ZFHX4: variants seen among roughly 807,000 people sequenced by gnomAD.
ZFHX4 encodes zinc finger homeobox 4.
A neutral mutation model predicts 267.6 loss-of-function variants in ZFHX4; 56 were observed. That is an observed-to-expected ratio of 0.21 (90% CI 0.17 to 0.26). The LOEUF is 0.26. ZFHX4 is among the 10% of genes least tolerant of loss of function. ZFHX4 has a pLI of 1.00. For synonymous variants in ZFHX4, 1,778 were observed against 1,665.6 expected (o/e 1.07, Z -1.64); for missense variants, 4,332 against 4,420.0 (o/e 0.98, Z 0.56).
At chr8:76,788,090 G>A (rs1810740743) in intron 4 of ZFHX4, among the ~76,000 whole-genome samples, 1 of 152,100 alleles carries the variant, frequency 6.6e-6, no homozygotes, top group South Asian at 2.1e-4. Flanking sequence ...AACTGGCAGA[G>A]GTCAGGAAGG....
chr8:76,852,154 G>T lies in ZFHX4; in HGVS notation c.5233G>T (p.Gly1745Trp). The change falls in exon 10 of 11, where the codon GGG becomes TGG. Residue 1745 changes from glycine to tryptophan, a missense_variant. Gly to Trp is a radical substitution (Grantham distance 184). This residue lies in a region of ZFHX4 where 1,371 missense variants were observed against 1,423.1 expected (regional missense o/e 0.96). Coordinates refer to ENST00000651372, the MANE Select transcript of ZFHX4 (RefSeq NM_024721.5). The part of the protein sequence containing the change: ...PQFLFPFYIP[G>W]TEFSLGPDLG... ...GTTTCTCTTTCCATTTTATATACCTGGGACGGAGTTCAGCTTGGGGCCAGA... is the reference window on the plus strand; with the variant it reads ...GTTTCTCTTTCCATTTTATATACCTTGGACGGAGTTCAGCTTGGGGCCAGA... 1 of 1,613,890 alleles carries T rather than the reference G, an allele frequency of 6.2e-7. No individual in the cohort carries two copies. The highest frequency in any genetic ancestry group is 8.5e-7 in the Non-Finnish European group (1 of 1,179,858).
At chr8:76,737,095 G>A (rs1388263052) in intron 3 of ZFHX4, among the ~76,000 whole-genome samples, 2 of 152,028 alleles carry the variant, frequency 1.3e-5, no homozygotes, top group Non-Finnish European at 2.9e-5. Flanking sequence ...CCTAAAAATG[G>A]ATTTACTGGT....
intron 6 of ZFHX4, among the ~76,000 whole-genome samples, chr8:76,845,646 T>C (rs986250059): frequency 6.6e-6 from 1 of 152,042 alleles, no homozygotes; most frequent in African/African-American, 2.4e-5. Flanking sequence ...AGATTTGCTT[T>C]GAGTACATGT....
chr8:76,745,412 G>A (rs191866499), intron 3 of ZFHX4, among the ~76,000 whole-genome samples: 241 of 152,230 alleles, frequency 1.6e-3, no homozygotes, highest in African/African-American at 5.5e-3. Context: ...TTGGAGGATT[G>A]ATTTAAAAAG....
intron 3 of ZFHX4, among the ~76,000 whole-genome samples, chr8:76,722,029 A>G (rs1190461912): frequency 6.6e-6 from 1 of 151,886 alleles, no homozygotes; most frequent in African/African-American, 2.4e-5. Flanking sequence ...AAGTCTTACT[A>G]TTTTATCTAT....
chr8:76,793,248 T>C (rs1810886575), intron 4 of ZFHX4, among the ~76,000 whole-genome samples: 1 of 152,054 alleles, frequency 6.6e-6, no homozygotes, highest in Non-Finnish European at 1.5e-5. Flanking sequence ...GTTGTGATTG[T>C]CTTTAAGGAA....
Position 76,852,414 on chromosome 8 carries a change from C to T in ZFHX4, c.5493C>T (p.Ser1831=), listed in dbSNP as rs912267135. The change falls in exon 10 of 11, where the codon AGC becomes AGT. Residue 1831 remains serine (S), a synonymous_variant. Coordinates refer to ENST00000651372, the MANE Select transcript of ZFHX4 (RefSeq NM_024721.5). ...AGCAGCAGCAGCAACAGCAGGCAAG[C>T]AAATTATTGAAACAAGAGCAAAGTA... The part of the protein sequence containing the change: ...PPQQQQQQQA[S]KLLKQEQSNI... 6.4e-6 allele frequency: 10 copies of T among 1,556,408 alleles called. No individual in the cohort carries two copies. The highest frequency in any genetic ancestry group is 1.4e-5 in the African/African-American group (1 of 73,190).
chr8:76,776,923 G>A (rs1429098554), intron 3 of ZFHX4, among the ~76,000 whole-genome samples: 1 of 152,136 alleles, frequency 6.6e-6, no homozygotes, highest in Admixed American at 6.6e-5. Context: ...CTAAAAGCCA[G>A]GGAGGTGGGG....
At chr8:76,822,247 C>A (rs932165345) in intron 4 of ZFHX4, among the ~76,000 whole-genome samples, 2 of 152,004 alleles carry the variant, frequency 1.3e-5, no homozygotes, top group South Asian at 4.2e-4. Context: ...CTCATTAGAC[C>A]CATTGGCAAG....
chr8:76,810,872 A>G (rs1183964487), intron 4 of ZFHX4, among the ~76,000 whole-genome samples: 1 of 152,178 alleles, frequency 6.6e-6, no homozygotes, highest in Non-Finnish European at 1.5e-5. Context: ...GAAATTTAAT[A>G]TAGGTCTCTA....
chr8:76,856,954 C>A (rs1337265127), intron 10 of ZFHX4, among the ~76,000 whole-genome samples: 2 of 152,180 alleles, frequency 1.3e-5, no homozygotes, highest in African/African-American at 4.8e-5. Flanking sequence ...TAAATAAATT[C>A]AGCAACCTTA....
intron 4 of ZFHX4, among the ~76,000 whole-genome samples, chr8:76,781,282 T>C (rs1054655796): frequency 6.6e-6 from 1 of 152,146 alleles, no homozygotes; most frequent in African/African-American, 2.4e-5. Flanking sequence ...ATTTGCACAT[T>C]ATTAATTATT....
rs61729526 is a variant in ZFHX4 at position 76,849,604 on chromosome 8, C to T, written c.3738C>T (p.Ile1246=). The change falls in exon 8 of 11, where the codon ATC becomes ATT. Residue 1246 remains isoleucine (I), a synonymous_variant. Coordinates refer to ENST00000651372, the MANE Select transcript of ZFHX4 (RefSeq NM_024721.5). ...CACAGCACTCGGTGCAGCCGGTCAT[C>T]TGCTGTCCTCTCTGTCAGGACGTCC... The part of the protein sequence containing the change: ...VLSQHSVQPV[I]CCPLCQDVLS... 8.1e-3 allele frequency: 13,124 copies of T among 1,613,988 alleles called. 78 individuals are homozygous for T. The highest frequency in any genetic ancestry group is 0.011 in the South Asian group (995 of 91,086).
intron 1 of ZFHX4, among the ~76,000 whole-genome samples, chr8:76,694,881 A>G (rs1258535877): frequency 6.6e-6 from 1 of 151,850 alleles, no homozygotes; most frequent in Non-Finnish European, 1.5e-5. Flanking sequence ...AGTTAATGAT[A>G]TATTTTTAGA....
intron 3 of ZFHX4, among the ~76,000 whole-genome samples, chr8:76,721,510 G>A (rs571222551): frequency 2.0e-5 from 3 of 152,258 alleles, no homozygotes; most frequent in East Asian, 3.9e-4. Flanking sequence ...GTTTTAAGAA[G>A]CAAATACCTT....
At chr8:76,723,607 G>A (rs971716010) in intron 3 of ZFHX4, among the ~76,000 whole-genome samples, 3 of 150,304 alleles carry the variant, frequency 2.0e-5, no homozygotes, top group South Asian at 4.2e-4. Flanking sequence ...CATTCATTGA[G>A]AGCCCACTCT....
chr8:76,784,390 A>G (rs1326291425), intron 4 of ZFHX4, among the ~76,000 whole-genome samples: 5 of 152,060 alleles, frequency 3.3e-5, no homozygotes, highest in African/African-American at 1.2e-4. Flanking sequence ...TGTCAGACCA[A>G]CACTGGTCCC....
chr8:76,716,484 T>C (rs76642433), intron 3 of ZFHX4, among the ~76,000 whole-genome samples: 7,060 of 152,176 alleles, frequency 0.046, 353 homozygotes, highest in East Asian at 0.24. Context: ...TGAGTCCTTA[T>C]AGATAGTAAG....
chr8:76,764,360 G>A (rs994467653), intron 3 of ZFHX4, among the ~76,000 whole-genome samples: 7 of 152,032 alleles, frequency 4.6e-5, no homozygotes, highest in African/African-American at 1.2e-4. Context: ...GTTTGTTTGT[G>A]TTTATTTATG....
Sources: gnomAD v4.1 joint callset for allele counts (sites outside exome capture counted in the v4.1 genomes callset) on GRCh38, gnomAD v4.1.1 for gene constraint, gnomAD v4.1.1 regional missense constraint, MANE v1.5 for transcripts, NCBI Gene and HGNC (gene_info 2026-07-23, HGNC 2026-07-21) for gene names.